KEL: variants seen among roughly 807,000 people sequenced by gnomAD.
KEL encodes the protein Kell metallo-endopeptidase (Kell blood group), also known as kell blood group glycoprotein.
In KEL, 96 loss-of-function variants were observed where a neutral mutation model predicts 99.5. The observed-to-expected ratio is 0.97, with a 90% confidence interval of 0.82 to 1.14. The LOEUF is 1.14. Among genes scored for constraint, KEL ranks in the 50% most tolerant of loss-of-function variants. The probability of loss-of-function intolerance (pLI) is 0.00; values close to 1 mark genes in which losing one functional copy is unlikely to be tolerated. For missense variants in KEL, 926 were observed against 924.2 expected, an observed-to-expected ratio of 1.00 and a Z score of -0.03; for synonymous variants, 355 against 354.8, an observed-to-expected ratio of 1.00 and a Z score of -0.01.
chr7:142,947,902 A>G (rs1796575592), intron 10 of KEL, among the ~76,000 whole-genome samples: 1 of 152,226 alleles, frequency 6.6e-6, no homozygotes, highest in African/African-American at 2.4e-5. Flanking sequence ...ACAGGAACTA[A>G]AAAGAAGTCC....
intron 10 of KEL, among the ~76,000 whole-genome samples, chr7:142,947,489 T>C (rs1796564564): frequency 6.6e-6 from 1 of 152,196 alleles, no homozygotes; most frequent in Non-Finnish European, 1.5e-5. Context: ...TGGAGGTTGC[T>C]GCAGGCCTGG....
chr7:142,945,481 G>A (rs1339625200), intron 11 of KEL, among the ~76,000 whole-genome samples: 1 of 152,206 alleles, frequency 6.6e-6, no homozygotes, highest in Non-Finnish European at 1.5e-5. Context: ...CAGGCATGTG[G>A]TAGGTACTCA....
chr7:142,943,073 A>G (rs762416377), intron 16 of KEL, 29 bp from the exon 17 acceptor site: 4 of 1,612,716 alleles, frequency 2.5e-6, no homozygotes, highest in African/African-American at 2.7e-5. Context: ...GAGAACATAC[A>G]GCAAGAGAAC....
intron 3 of KEL, 93 bp from the exon 4 acceptor site, chr7:142,961,197 GTGGGGAGCTGA>G: frequency 6.6e-7 from 1 of 1,518,670 alleles, no homozygotes; most frequent in South Asian, 1.1e-5. Context: ...GAGTAACTAA[GTGGGGAGCTGA>G]TGAAAAAGAA....
At position 142,953,870 on chromosome 7, in the gene KEL, G is replaced by T; in HGVS notation, c.1011C>A (p.Val337=). The change falls in exon 9 of 19, where the codon GTC becomes GTA. Residue 337 remains valine, a synonymous_variant. Transcript: ENST00000355265. ...TGTTTTTCAAATATTCCACGTCATGGACCACGAGGGACTGAGAAGGGCTCA... is the reference window on the plus strand; with the variant it reads ...TGTTTTTCAAATATTCCACGTCATGTACCACGAGGGACTGAGAAGGGCTCA... ...MSLSPSQSLV[V]HDVEYLKNMS... 1 of 1,614,128 alleles carries T rather than the reference G, an allele frequency of 6.2e-7. No homozygotes were observed. Among genetic ancestry groups the T allele is most frequent in the Non-Finnish European group, 8.5e-7 (1 of 1,180,036 alleles).
intron 17 of KEL, 115 bp from the exon 18 acceptor site, chr7:142,942,644 A>C (rs1213761302): frequency 1.1e-6 from 1 of 874,606 alleles, no homozygotes; most frequent in Non-Finnish European, 1.9e-6. Flanking sequence ...TGCACTGACT[A>C]GTTGATCTGA....
chr7:142,960,310 T>C (rs1796925409), intron 4 of KEL, among the ~76,000 whole-genome samples: 1 of 152,158 alleles, frequency 6.6e-6, no homozygotes, highest in South Asian at 2.1e-4. Flanking sequence ...ATCCCACTTG[T>C]TCCAGGTCAA....
Position 142,952,628 on chromosome 7 carries a change from G to A in KEL, c.1084C>T (p.Gln362Ter), listed in dbSNP as rs766310210. The change falls in exon 10 of 19, where the codon CAG becomes TAG. Residue 362 changes from glutamine to a stop codon, truncating the protein, a stop_gained. Transcript: ENST00000355265. LOFTEE classifies it high-confidence loss of function. ...ACCAGCCCTAAGATCATGTGGCTCT[G>A]CAGAAAGTCCCTATGGAGACAAAAG... is the stretch of plus-strand genomic sequence containing the variant. ...EMLLKQRDFL[Q>*]SHMILGLVVT... The A allele has an allele frequency of 1.9e-6, 3 of 1,614,034 alleles. No individual in the cohort carries two copies. The highest frequency in any genetic ancestry group is 2.5e-6 in the Non-Finnish European group (3 of 1,180,014).
Position 142,941,386 on chromosome 7 carries a change from C to T in KEL, c.2065G>A (p.Asp689Asn), listed in dbSNP as rs144613404. 3 of 1,606,686 alleles carry T rather than the reference C, an allele frequency of 1.9e-6. No homozygotes were observed. The highest frequency in any genetic ancestry group is 2.6e-6 in the Non-Finnish European group (3 of 1,174,648). The change falls in exon 19 of 19, where the codon GAC becomes AAC. Residue 689 changes from aspartate (D) to asparagine (N), a missense_variant. Asp to Asn is a conservative substitution (Grantham distance 23). Coordinates refer to ENST00000355265, the MANE Select transcript of KEL (RefSeq NM_000420.3). ...GGAGGGCTGTGAGTGTCGTGAGAGTCCTGGGGGCTGGGCTTCCTACACATC... is the reference window on the plus strand; with the variant it reads ...GGAGGGCTGTGAGTGTCGTGAGAGTTCTGGGGGCTGGGCTTCCTACACATC... Reference protein sequence around the residue: ...QVMCRKPSPQDSHDTHSPPHL... With the variant: ...QVMCRKPSPQNSHDTHSPPHL...
At chr7:142,946,860 C>A (rs1002023817) in intron 10 of KEL, among the ~76,000 whole-genome samples, 1 of 152,118 alleles carries the variant, frequency 6.6e-6, no homozygotes, top group Non-Finnish European at 1.5e-5. Flanking sequence ...GTTTTAGATG[C>A]CATATTGTTT....
chr7:142,961,106 T>C lies in KEL; in HGVS notation c.224-2A>G. 6.2e-7 allele frequency: 1 copy of C among 1,613,374 alleles called. No individual in the cohort carries two copies. Among genetic ancestry groups the C allele is most frequent in the Non-Finnish European group, 8.5e-7 (1 of 1,179,986 alleles). On this transcript the variant is annotated splice_acceptor_variant, in intron 3 of 18. Coordinates refer to ENST00000355265, the MANE Select transcript of KEL (RefSeq NM_000420.3). LOFTEE classifies it high-confidence loss of function. Reference sequence around the variant, plus strand: ...AACACACAGATGTCTCACAGGGGCCTGTGGGGAAAAGCTCAGAGCTGGGAA... The same window carrying C: ...AACACACAGATGTCTCACAGGGGCCCGTGGGGAAAAGCTCAGAGCTGGGAA...
At chr7:142,947,924 C>A (rs1370432689) in intron 10 of KEL, among the ~76,000 whole-genome samples, 1 of 152,174 alleles carries the variant, frequency 6.6e-6, no homozygotes, top group Non-Finnish European at 1.5e-5. Context: ...GGTCTGAAAG[C>A]AATTATAGGC....
intron 10 of KEL, among the ~76,000 whole-genome samples, chr7:142,950,513 G>C (rs1327036461): frequency 6.6e-6 from 1 of 152,188 alleles, no homozygotes; most frequent in African/African-American, 2.4e-5. Flanking sequence ...TTCTTCACCA[G>C]AAAACTCCTT....
At chr7:142,951,207 G>A (rs1048284031) in intron 10 of KEL, among the ~76,000 whole-genome samples, 7 of 152,168 alleles carry the variant, frequency 4.6e-5, no homozygotes, top group Admixed American at 6.5e-5. Context: ...GGACATCTAA[G>A]CCTTCTGCAT....
intron 11 of KEL, 144 bp downstream of exon 11, chr7:142,946,063 G>A (rs998180642): frequency 3.0e-6 from 2 of 672,372 alleles, no homozygotes; most frequent in Non-Finnish European, 5.4e-6. Context: ...AGGCCTTTGG[G>A]TTCCCTCTCT....
At chr7:142,948,244 T>A (rs555383446) in intron 10 of KEL, among the ~76,000 whole-genome samples, 1 of 152,030 alleles carries the variant, frequency 6.6e-6, no homozygotes, top group Non-Finnish European at 1.5e-5. Flanking sequence ...GTATACCACA[T>A]TGACTGCAAA....
chr7:142,953,681 G>T (rs1177926822), intron 9 of KEL, 127 bp downstream of exon 9: 3 of 1,116,548 alleles, frequency 2.7e-6, no homozygotes, highest in Non-Finnish European at 4.1e-6. Context: ...CAGGTGGCAG[G>T]TTCCTCTTAT....
chr7:142,945,328 C>G (rs544955961), intron 11 of KEL, among the ~76,000 whole-genome samples: 1 of 152,344 alleles, frequency 6.6e-6, no homozygotes, highest in African/African-American at 2.4e-5. Context: ...TGCCTGAGTT[C>G]AAACCCTGTC....
In KEL at chr7:142,943,002, T is replaced by C. The variant is rs1269124802; in HGVS notation, c.1814A>G (p.Gln605Arg). The change falls in exon 17 of 19, where the codon CAG becomes CGG. Residue 605 changes from glutamine to arginine, a missense_variant. Transcript: ENST00000355265. The part of the protein sequence containing the change: ...GCLACDNHAL[Q>R]EAHLCLKRHY... Reference sequence around the variant, plus strand: ...GCGCTTCAGGCACAGGTGAGCTTCCTGGAGGGCATGGTTGTCACAGGCGAG... The same window carrying C: ...GCGCTTCAGGCACAGGTGAGCTTCCCGGAGGGCATGGTTGTCACAGGCGAG... The C allele has an allele frequency of 5.6e-6, 9 of 1,614,070 alleles. No individual in the cohort carries two copies. Among genetic ancestry groups the C allele is most frequent in the Non-Finnish European group, 2.5e-6 (3 of 1,180,048 alleles).
Sources: allele counts gnomAD v4.1 joint callset (sites outside exome capture counted in the v4.1 genomes callset), GRCh38; gene constraint gnomAD v4.1.1; transcripts MANE v1.5; gene names NCBI Gene and HGNC (gene_info 2026-07-23, HGNC 2026-07-21).